Variants in SLC16A10 observed in about 807,000 individuals in gnomAD.
The protein encoded by SLC16A10 is monocarboxylate transporter 10.
SLC16A10 carries 27 observed loss-of-function variants against 40.0 expected under a neutral mutation model. That is an observed-to-expected ratio of 0.67 (90% CI 0.50 to 0.93). SLC16A10 has a LOEUF of 0.93. SLC16A10 is among the 40% of genes least tolerant of loss of function. The pLI, the probability that SLC16A10 is intolerant of heterozygous loss-of-function variation, is 0.00. For synonymous variants in SLC16A10, 213 were observed against 249.8 expected, an observed-to-expected ratio of 0.85 and a Z score of 1.39; for missense variants, 529 against 658.2, an observed-to-expected ratio of 0.80 and a Z score of 2.15.
At chr6:111,214,579 A>G (rs1001094427) in intron 4 of SLC16A10, among the ~76,000 whole-genome samples, 3 of 152,224 alleles carry the variant, frequency 2.0e-5, no homozygotes, top group African/African-American at 7.2e-5. Context: ...GATTCTGGGT[A>G]TTAACATCTG....
chr6:111,120,598 A>G (rs1771565708), intron 1 of SLC16A10, among the ~76,000 whole-genome samples: 1 of 152,158 alleles, frequency 6.6e-6, no homozygotes, highest in African/African-American at 2.4e-5. Context: ...TTGTTTCTTT[A>G]GTTATCTTGT....
intron 3 of SLC16A10, among the ~76,000 whole-genome samples, chr6:111,181,215 CAAAAAAA>C (rs78386837): frequency 3.6e-5 from 3 of 82,960 alleles, no homozygotes; most frequent in Non-Finnish European, 7.5e-5. Flanking sequence ...AACTCCATCT[CAAAAAAA>C]AAAAAAAAAA....
At chr6:111,218,467 T>C (rs1770822752) in intron 4 of SLC16A10, among the ~76,000 whole-genome samples, 3 of 152,206 alleles carry the variant, frequency 2.0e-5, no homozygotes. Flanking sequence ...TAGTCCCAGC[T>C]ACTCAGGAGG....
intron 1 of SLC16A10, among the ~76,000 whole-genome samples, chr6:111,090,513 G>A (rs188174863): frequency 6.6e-6 from 1 of 152,342 alleles, no homozygotes; most frequent in African/African-American, 2.4e-5. Context: ...AAGGGCTGAG[G>A]AAGAAAACAG....
intron 1 of SLC16A10, among the ~76,000 whole-genome samples, chr6:111,122,886 C>G (rs115349713): frequency 0.011 from 1,734 of 152,288 alleles, 7 homozygotes; most frequent in African/African-American, 0.023. Context: ...AGTCACTCAT[C>G]CCCTGGAGAG....
intron 3 of SLC16A10, among the ~76,000 whole-genome samples, chr6:111,191,986 AG>A (rs1171095893): frequency 1.3e-5 from 2 of 152,242 alleles, no homozygotes; most frequent in Admixed American, 1.3e-4. Context: ...CTCTGATGGT[AG>A]TTCCTTTTGC....
At chr6:111,128,090 C>T (rs933392349) in intron 1 of SLC16A10, among the ~76,000 whole-genome samples, 2 of 152,084 alleles carry the variant, frequency 1.3e-5, no homozygotes, top group African/African-American at 4.8e-5. Flanking sequence ...GGCAGTGATA[C>T]CCTTGAATTT....
intron 1 of SLC16A10, among the ~76,000 whole-genome samples, chr6:111,127,535 C>T (rs185671476): frequency 3.9e-5 from 6 of 152,096 alleles, no homozygotes; most frequent in African/African-American, 1.4e-4. Context: ...TTTGGGCGGG[C>T]GCTAGGCCAG....
intron 3 of SLC16A10, among the ~76,000 whole-genome samples, chr6:111,206,278 C>T (rs1305116206): frequency 8.6e-5 from 13 of 151,990 alleles, no homozygotes; most frequent in Non-Finnish European, 7.4e-5. Flanking sequence ...GGTTTCACCA[C>T]GTTGGCCAGG....
At chr6:111,101,087 G>A (rs1771179571) in intron 1 of SLC16A10, among the ~76,000 whole-genome samples, 1 of 150,036 alleles carries the variant, frequency 6.7e-6, no homozygotes, top group Non-Finnish European at 1.5e-5. Flanking sequence ...CTGGAGTGCA[G>A]TGGTGGGATC....
chr6:111,180,187 T>C (rs1772763151), intron 3 of SLC16A10, among the ~76,000 whole-genome samples: 1 of 152,198 alleles, frequency 6.6e-6, no homozygotes, highest in Non-Finnish European at 1.5e-5. Context: ...TTCACAACAA[T>C]GCAGTACCTG....
rs1771006841 is a variant in SLC16A10, at chr6:111,092,913, T to C, written c.343+4818T>C. Among the ~76,000 whole-genome samples, 2 of 151,568 alleles carry C rather than the reference T, an allele frequency of 1.3e-5. 1 individual carries two copies. Among genetic ancestry groups the C allele is most frequent in the South Asian group, 4.2e-4 (2 of 4,810 alleles). On this transcript the variant is annotated intron_variant, in intron 1 of 5. Transcript: ENST00000368851. ...AAAATTAGCTGGGCATGGTGGCGGATGCGTGTAATCCCAGCTATTCGGGAG... is the reference window on the plus strand; with the variant it reads ...AAAATTAGCTGGGCATGGTGGCGGACGCGTGTAATCCCAGCTATTCGGGAG...
At chr6:111,137,596 A>C (rs539310294) in intron 1 of SLC16A10, among the ~76,000 whole-genome samples, 1 of 152,224 alleles carries the variant, frequency 6.6e-6, no homozygotes, top group Non-Finnish European at 1.5e-5. Context: ...CTGCTAGTCC[A>C]TGCTTCGATG....
intron 1 of SLC16A10, among the ~76,000 whole-genome samples, chr6:111,098,265 C>T (rs900169408): frequency 6.6e-6 from 1 of 151,952 alleles, no homozygotes; most frequent in Non-Finnish European, 1.5e-5. Context: ...AAGATCATGC[C>T]ATTGTACTCC....
At chr6:111,208,702 A>T (rs1408835706) in intron 4 of SLC16A10, among the ~76,000 whole-genome samples, 1 of 152,184 alleles carries the variant, frequency 6.6e-6, no homozygotes, top group Non-Finnish European at 1.5e-5. Context: ...AGTGTCCAGA[A>T]TAGGAATCTC....
chr6:111,172,669 C>T (rs1333623695), intron 1 of SLC16A10, 26 bp from the exon 2 acceptor site: 7 of 1,605,410 alleles, frequency 4.4e-6, no homozygotes, highest in African/African-American at 4.0e-5. Context: ...GTCATAATTC[C>T]CCCCACGCTT....
intron 4 of SLC16A10, among the ~76,000 whole-genome samples, chr6:111,217,009 C>T (rs925254118): frequency 1.3e-5 from 2 of 152,136 alleles, no homozygotes; most frequent in African/African-American, 2.4e-5. Flanking sequence ...TCCGTAGGTC[C>T]GTAGGTGTGC....
rs907386527 is a variant in SLC16A10 at position 111,087,849 on chromosome 6, C to T, written c.97C>T (p.Pro33Ser). The T allele has an allele frequency of 7.0e-7, 1 of 1,420,658 alleles. No individual in the cohort carries two copies. The highest frequency in any genetic ancestry group is 9.1e-7 in the Non-Finnish European group (1 of 1,095,892). The allele number at this position is 1,420,658 out of a possible 1,614,324, so 88.0% of individuals were successfully genotyped here. A position where few individuals can be genotyped will look rare whatever the true frequency, so the allele number is the denominator to read the frequency against. ...CACGGGGGCCGCTCCGCCGCCCGGC[C>T]CGGGACCCTCGGACAGCCCCGAGGC... is the stretch of plus-strand genomic sequence containing the variant. ...APTGAAPPPGPGPSDSPEAAV... is the reference protein window; with the variant it reads ...APTGAAPPPGSGPSDSPEAAV... Residue 33 changes from proline (P) to serine (S), a missense_variant, in exon 1 of 6, where the codon CCG becomes TCG. Physicochemically the swap from Pro to Ser is moderately conservative, Grantham distance 74. Transcript: ENST00000368851.
At chr6:111,203,486 C>T (rs993672677) in intron 3 of SLC16A10, among the ~76,000 whole-genome samples, 13 of 151,758 alleles carry the variant, frequency 8.6e-5, no homozygotes, top group Admixed American at 3.3e-4. Context: ...TTTAGGAAGC[C>T]GAAGCAGGCA....
Sources: allele counts gnomAD v4.1 joint callset (sites outside exome capture counted in the v4.1 genomes callset), GRCh38; gene constraint gnomAD v4.1.1; transcripts MANE v1.5; gene names NCBI Gene and HGNC (gene_info 2026-07-23, HGNC 2026-07-21).